Variants in HPCAL1 observed in about 807,000 individuals in gnomAD.
The protein encoded by HPCAL1 is hippocalcin like 1.
Under a neutral mutation model 17.1 loss-of-function variants are expected in HPCAL1, and 8 were observed. The observed-to-expected ratio is 0.47, with a 90% confidence interval of 0.27 to 0.84. HPCAL1 has a LOEUF of 0.84. Among genes scored for constraint, HPCAL1 ranks in the 40% least tolerant of loss-of-function variants. The pLI, the probability that HPCAL1 is intolerant of heterozygous loss-of-function variation, is 0.13. For missense variants in HPCAL1, 165 were observed against 271.1 expected (o/e 0.61, Z 2.75); for synonymous variants, 112 against 111.4 (o/e 1.01, Z -0.03).
At chr2:10,325,578 C>T (rs1283047806) in intron 1 of HPCAL1, among the ~76,000 whole-genome samples, 3 of 152,068 alleles carry the variant, frequency 2.0e-5, no homozygotes, top group East Asian at 1.9e-4. Context: ...CAACCTTCCT[C>T]GCCAGCATCC....
intron 2 of HPCAL1, among the ~76,000 whole-genome samples, chr2:10,399,874 A>G (rs1031041247): frequency 1.3e-5 from 2 of 152,194 alleles, no homozygotes; most frequent in Non-Finnish European, 2.9e-5. Context: ...TTCATGGAGC[A>G]CGTACCCTGT....
chr2:10,420,655 C>T (rs1373209053), intron 3 of HPCAL1, among the ~76,000 whole-genome samples: 1 of 152,208 alleles, frequency 6.6e-6, no homozygotes, highest in Non-Finnish European at 1.5e-5. Context: ...TACATCAGGG[C>T]CGGGTGGAGC....
At chr2:10,328,792 C>T (rs940691565) in intron 1 of HPCAL1, among the ~76,000 whole-genome samples, 1 of 152,024 alleles carries the variant, frequency 6.6e-6, no homozygotes, top group Non-Finnish European at 1.5e-5. Flanking sequence ...TCTGAAGAAC[C>T]CTGACTAATA....
intron 1 of HPCAL1, among the ~76,000 whole-genome samples, chr2:10,375,838 A>G (rs1302880704): frequency 6.6e-6 from 1 of 152,218 alleles, no homozygotes; most frequent in Admixed American, 6.5e-5. Flanking sequence ...CAAACTCTCA[A>G]ATTAATGACA....
intron 1 of HPCAL1, among the ~76,000 whole-genome samples, chr2:10,319,643 A>C (rs1387848663): frequency 6.6e-6 from 1 of 151,852 alleles, no homozygotes; most frequent in Non-Finnish European, 1.5e-5. Flanking sequence ...CCTCTGTTTA[A>C]GCAGAGACCG....
At chr2:10,420,199 C>CA (rs1481978501) in intron 3 of HPCAL1, 64 bp downstream of exon 3, 55 of 1,364,408 alleles carry the variant, frequency 4.0e-5, no homozygotes, top group Admixed American at 7.5e-5. Context: ...TCCCAGCCCC[C>CA]AGCCCAGGGC....
At chr2:10,420,162 C>T (rs1670962852) in intron 3 of HPCAL1, 27 bp downstream of exon 3, 1 of 1,577,452 alleles carries the variant, frequency 6.3e-7, no homozygotes, top group Non-Finnish European at 8.6e-7. Flanking sequence ...CCCCGGGTCT[C>T]ACCGCGGGCC....
At chr2:10,422,955 A>G in intron 3 of HPCAL1, 28 bp from the exon 4 acceptor site, 2 of 1,547,918 alleles carry the variant, frequency 1.3e-6, no homozygotes, top group Non-Finnish European at 1.8e-6. Context: ...CGGGCCTCTG[A>G]GCACAGTGTC....
At chr2:10,422,905 C>T in intron 3 of HPCAL1, 78 bp from the exon 4 acceptor site, 1 of 997,596 alleles carries the variant, frequency 1.0e-6, no homozygotes, top group Non-Finnish European at 1.6e-6. Flanking sequence ...TTGTTGTGGG[C>T]TGGGCGGAAG....
rs371097950 is a variant in HPCAL1, at chr2:10,384,515, C to A, written c.-110-12320C>A. On this transcript the variant is annotated intron_variant, in intron 1 of 4. Transcript: ENST00000307845. The surrounding 1 kb of genome is among the most constrained non-coding windows in gnomAD (Gnocchi z 4.4). ...GCTGTGCTGGGCACTGGGGCAAGGC[C>A]CCCTCCCCCATGGGGCTACAGATGC... Among the ~76,000 whole-genome samples the A allele has an allele frequency of 6.6e-6, 1 of 152,244 alleles. No homozygotes were observed. Among genetic ancestry groups the A allele is most frequent in the Admixed American group, 6.5e-5 (1 of 15,298 alleles).
At chr2:10,402,375 G>A (rs753125153) in intron 2 of HPCAL1, among the ~76,000 whole-genome samples, 2 of 152,220 alleles carry the variant, frequency 1.3e-5, no homozygotes, top group African/African-American at 4.8e-5. Flanking sequence ...GTGTGTATGG[G>A]TGGGTGCGTT....
chr2:10,400,565 C>T (rs1415494505), intron 2 of HPCAL1, among the ~76,000 whole-genome samples: 7 of 152,102 alleles, frequency 4.6e-5, no homozygotes, highest in Admixed American at 2.6e-4. Flanking sequence ...CCTAGGCAGA[C>T]GCTGGTCATG....
At chr2:10,348,381 G>A (rs564588080) in intron 1 of HPCAL1, among the ~76,000 whole-genome samples, 2 of 152,102 alleles carry the variant, frequency 1.3e-5, no homozygotes, top group South Asian at 2.1e-4. Context: ...CTCAAGAGGC[G>A]GAGGTTGCAG....
chr2:10,308,962 G>A (rs1188366467), intron 1 of HPCAL1, among the ~76,000 whole-genome samples: 1 of 152,128 alleles, frequency 6.6e-6, no homozygotes, highest in Admixed American at 6.5e-5. Flanking sequence ...CAGCTACTAG[G>A]GGGTGCTGAG....
intron 1 of HPCAL1, among the ~76,000 whole-genome samples, chr2:10,358,293 G>A (rs1258218382): frequency 6.6e-6 from 1 of 152,202 alleles, no homozygotes; most frequent in Non-Finnish European, 1.5e-5. Context: ...TTCCATTTTC[G>A]TTAATAGAAT....
chr2:10,424,896 G>C (rs1034445025), intron 4 of HPCAL1: 10 of 318,242 alleles, frequency 3.1e-5, no homozygotes, highest in Non-Finnish European at 6.3e-5. Context: ...CAGGCCTCTA[G>C]GCTGGGCTGA....
At chr2:10,339,781 G>T (rs1204623892) in intron 1 of HPCAL1, among the ~76,000 whole-genome samples, 9 of 152,212 alleles carry the variant, frequency 5.9e-5, no homozygotes, top group Non-Finnish European at 1.3e-4. Context: ...TTCGGAGATA[G>T]CTCGCCATGT....
intron 1 of HPCAL1, among the ~76,000 whole-genome samples, chr2:10,364,822 C>T (rs899203844): frequency 6.6e-6 from 1 of 152,084 alleles, no homozygotes; most frequent in African/African-American, 2.4e-5. Flanking sequence ...TGGGCTCAAA[C>T]AATCCTCCTG....
intron 2 of HPCAL1, among the ~76,000 whole-genome samples, chr2:10,404,514 C>T (rs3771138): frequency 0.24 from 36,066 of 152,094 alleles, 4,878 homozygotes; most frequent in South Asian, 0.42. Flanking sequence ...TTAAACAGAC[C>T]CAAAGCAGTC....
Sources: gnomAD v4.1 joint callset for allele counts (sites outside exome capture counted in the v4.1 genomes callset) on GRCh38, gnomAD v4.1.1 for gene constraint, Gnocchi (gnomAD v3.1) non-coding constraint, MANE v1.5 for transcripts, NCBI Gene and HGNC (gene_info 2026-07-23, HGNC 2026-07-21) for gene names.